The following SYNDIG1 variants were observed in gnomAD, a reference collection of about 807,000 sequenced individuals.
SYNDIG1 encodes synapse differentiation inducing 1, also known as synapse differentiation-inducing gene protein 1.
A neutral mutation model predicts 19.4 loss-of-function variants in SYNDIG1; 9 were observed. The ratio of observed to expected loss-of-function variants is 0.46; its 90% CI spans 0.28 to 0.81. SYNDIG1 has a LOEUF of 0.81. SYNDIG1 is among the 30% of genes least tolerant of loss of function. The pLI is 0.12. For synonymous variants in SYNDIG1, 141 were observed against 145.9 expected (o/e 0.97, Z 0.24); for missense variants, 311 against 343.3 (o/e 0.91, Z 0.74).
At chr20:24,567,677 G>A in intron 2 of SYNDIG1, among the ~76,000 whole-genome samples, 1 of 152,280 alleles carries the variant, frequency 6.6e-6, no homozygotes, top group East Asian at 1.9e-4. Context: ...CCATCCAGCA[G>A]GGCCTGTGCC....
At chr20:24,610,419 C>T (rs554606688) in intron 3 of SYNDIG1, among the ~76,000 whole-genome samples, 2 of 152,310 alleles carry the variant, frequency 1.3e-5, no homozygotes, top group African/African-American at 4.8e-5. Flanking sequence ...CGTGGGCACT[C>T]GGAAGCATGT....
At chr20:24,602,938 C>A (rs542197829) in intron 3 of SYNDIG1, among the ~76,000 whole-genome samples, 2 of 152,312 alleles carry the variant, frequency 1.3e-5, no homozygotes, top group East Asian at 1.9e-4. Flanking sequence ...CTGGTGCTAA[C>A]TGAAATTCTA....
chr20:24,584,917 A>G lies in SYNDIG1; in HGVS notation c.542A>G (p.His181Arg). Residue 181 changes from histidine (H) to arginine (R), a missense_variant, in exon 3 of 4, where the codon CAC (histidine) becomes CGC (arginine). His to Arg is a conservative substitution (Grantham distance 29, BLOSUM62 0). Transcript: ENST00000376862. ...DNFLMMPPRD[H>R]LGLSVFSMLC... ...TTCCTCATGATGCCCCCGCGGGACC[A>G]CCTGGGCCTCAGTGTCTTCTCCATG... 1 of 1,613,680 alleles carries G rather than the reference A, an allele frequency of 6.2e-7. No homozygotes were observed. Among genetic ancestry groups the G allele is most frequent in the Non-Finnish European group, 8.5e-7 (1 of 1,179,980 alleles).
At chr20:24,650,167 C>T (rs1323975113) in intron 3 of SYNDIG1, among the ~76,000 whole-genome samples, 1 of 152,230 alleles carries the variant, frequency 6.6e-6, no homozygotes, top group African/African-American at 2.4e-5. Flanking sequence ...CTGTTGCTTA[C>T]ACTTTCTCAG....
chr20:24,506,945 G>A (rs938257924), intron 1 of SYNDIG1, among the ~76,000 whole-genome samples: 1 of 152,220 alleles, frequency 6.6e-6, no homozygotes, highest in Admixed American at 6.5e-5. Flanking sequence ...AATAAAGGAA[G>A]GATTTGGCAA....
Position 24,549,427 on chromosome 20 carries a change from G to T in SYNDIG1, c.480+5850G>T, listed in dbSNP as rs60007174. Among the ~76,000 whole-genome samples, 197 of 152,234 alleles carry T rather than the reference G, an allele frequency of 1.3e-3. 2 individuals carry two copies. Among genetic ancestry groups the T allele is most frequent in the African/African-American group, 4.6e-3 (193 of 41,532 alleles). On this transcript the variant is annotated intron_variant, in intron 2 of 3. Transcript: ENST00000376862. ...TTTTATGGCTGAATAGTATCCTGTG[G>T]TGTTGAAATGGGAGAGTTCCCTGAT...
intron 1 of SYNDIG1, among the ~76,000 whole-genome samples, chr20:24,484,032 G>A (rs937523770): frequency 1.3e-5 from 2 of 152,184 alleles, no homozygotes; most frequent in African/African-American, 4.8e-5. Context: ...GGTGGAAGTT[G>A]GATGTGACTT....
intron 3 of SYNDIG1, among the ~76,000 whole-genome samples, chr20:24,600,953 A>G (rs951844235): frequency 1.3e-5 from 2 of 152,100 alleles, no homozygotes; most frequent in East Asian, 3.9e-4. Context: ...GCAAAGCCAC[A>G]TTGCATCTGA....
At chr20:24,541,552 C>T (rs990743742) in intron 1 of SYNDIG1, among the ~76,000 whole-genome samples, 11 of 152,194 alleles carry the variant, frequency 7.2e-5, no homozygotes, top group Non-Finnish European at 1.2e-4. Context: ...GCCAGTGATG[C>T]ATTTAAGGCG....
At chr20:24,477,497 C>A (rs144630178) in intron 1 of SYNDIG1, among the ~76,000 whole-genome samples, 1 of 152,146 alleles carries the variant, frequency 6.6e-6, no homozygotes, top group African/African-American at 2.4e-5. Flanking sequence ...GCCTTGCCCC[C>A]GGTGCACCTG....
chr20:24,537,448 G>A (rs574896426), intron 1 of SYNDIG1, among the ~76,000 whole-genome samples: 1 of 152,228 alleles, frequency 6.6e-6, no homozygotes, highest in African/African-American at 2.4e-5. Context: ...CACTCCTGCT[G>A]CCAGTCTTGT....
At chr20:24,516,533 A>T (rs1426337752) in intron 1 of SYNDIG1, among the ~76,000 whole-genome samples, 1 of 152,254 alleles carries the variant, frequency 6.6e-6, no homozygotes, top group African/African-American at 2.4e-5. Flanking sequence ...TTGTCAAAAG[A>T]AGACATTTAT....
At chr20:24,592,471 C>A (rs1191906509) in intron 3 of SYNDIG1, among the ~76,000 whole-genome samples, 2 of 152,122 alleles carry the variant, frequency 1.3e-5, no homozygotes, top group African/African-American at 4.8e-5. Context: ...GACATGGGTT[C>A]CTCCCAGAGA....
intron 3 of SYNDIG1, among the ~76,000 whole-genome samples, chr20:24,624,863 A>T (rs971953053): frequency 6.6e-6 from 1 of 152,216 alleles, no homozygotes; most frequent in African/African-American, 2.4e-5. Context: ...GCAGACAACA[A>T]AATAATTAAG....
intron 1 of SYNDIG1, among the ~76,000 whole-genome samples, chr20:24,518,837 G>T (rs190788399): frequency 1.2e-4 from 18 of 152,360 alleles, no homozygotes; most frequent in Non-Finnish European, 2.5e-4. Context: ...ACCAGTTTCT[G>T]TCTGTTGGCA....
At chr20:24,503,014 T>A (rs528394423) in intron 1 of SYNDIG1, among the ~76,000 whole-genome samples, 49 of 152,342 alleles carry the variant, frequency 3.2e-4, no homozygotes, top group African/African-American at 1.2e-3. Flanking sequence ...ATGAAGCCCA[T>A]CACACTTCCA....
chr20:24,488,576 T>A (rs1250868022), intron 1 of SYNDIG1, among the ~76,000 whole-genome samples: 1 of 152,234 alleles, frequency 6.6e-6, no homozygotes, highest in Non-Finnish European at 1.5e-5. Context: ...AGAATTCTTT[T>A]GTCCTGCTGG....
At chr20:24,579,453 G>A (rs79973810) in intron 2 of SYNDIG1, among the ~76,000 whole-genome samples, 4,915 of 152,284 alleles carry the variant, frequency 0.032, 165 homozygotes, top group African/African-American at 0.087. Flanking sequence ...TGAAAACTCT[G>A]TTGCCCTATG....
intron 2 of SYNDIG1, among the ~76,000 whole-genome samples, chr20:24,560,678 C>A (rs2057923376): frequency 7.0e-6 from 1 of 143,792 alleles, no homozygotes; most frequent in Non-Finnish European, 1.5e-5. Flanking sequence ...GCCCCCGAGA[C>A]AGTTTCTGTT....
Sources: allele counts gnomAD v4.1 joint callset (sites outside exome capture counted in the v4.1 genomes callset), GRCh38; gene constraint gnomAD v4.1.1; transcripts MANE v1.5; gene names NCBI Gene and HGNC (gene_info 2026-07-23, HGNC 2026-07-21).